The following PCDHA5 variants were observed in gnomAD, a reference collection of about 807,000 sequenced individuals.
PCDHA5 encodes the protein protocadherin alpha-5.
PCDHA5 carries 43 observed loss-of-function variants against 61.6 expected under a neutral mutation model. The observed-to-expected ratio is 0.70, with a 90% CI of 0.55 to 0.90. PCDHA5 has a LOEUF of 0.90. PCDHA5 is among the 40% of genes least tolerant of loss of function. The pLI is 0.00. For missense variants in PCDHA5, 1,298 were observed against 1,222.7 expected, an observed-to-expected ratio of 1.06 and a Z score of -0.92; for synonymous variants, 627 against 543.9, an observed-to-expected ratio of 1.15 and a Z score of -2.13.
chr5:140,852,764 A>T (rs1488234251), intron 1 of PCDHA5: 1 of 983,098 alleles, frequency 1.0e-6, no homozygotes, highest in Non-Finnish European at 1.2e-6. Flanking sequence ...CAGGTATCTG[A>T]TTATTTGATG....
At chr5:140,839,838 A>G (rs1257715116) in intron 1 of PCDHA5, among the ~76,000 whole-genome samples, 1 of 152,060 alleles carries the variant, frequency 6.6e-6, no homozygotes, top group Non-Finnish European at 1.5e-5. Flanking sequence ...TGATGAATCC[A>G]TGGAGAATTT....
intron 2 of PCDHA5, among the ~76,000 whole-genome samples, chr5:140,980,561 C>T (rs1430874214): frequency 6.6e-6 from 1 of 151,974 alleles, no homozygotes; most frequent in Admixed American, 6.6e-5. Context: ...ACCCGGGAGG[C>T]GGAAGTTGCA....
At chr5:140,962,406 T>C (rs1272839882) in intron 1 of PCDHA5, among the ~76,000 whole-genome samples, 1 of 152,218 alleles carries the variant, frequency 6.6e-6, no homozygotes, top group African/African-American at 2.4e-5. Context: ...GCCCCAAACC[T>C]GTCTCTCCCT....
At chr5:140,876,714 CCGCGAGAG>C in intron 1 of PCDHA5, 1 of 1,614,230 alleles carries the variant, frequency 6.2e-7, no homozygotes, top group East Asian at 2.2e-5. Context: ...GCGCCCTGGA[CCGCGAGAG>C]CGTGTCGGCC....
At position 140,928,737 on chromosome 5, in the gene PCDHA5, A is replaced by G. The variant is rs140056024; in HGVS notation, c.2353-50212A>G. On this transcript the variant is annotated intron_variant, in intron 1 of 3. Coordinates refer to ENST00000529859, the MANE Select transcript of PCDHA5 (RefSeq NM_018908.3). ...GTCTCTTTAGAATTTCAGCCAATAT[A>G]GGTGAGCTCCGTACTGCTCGCTTAG... is the stretch of plus-strand genomic sequence containing the variant. 5.6e-6 allele frequency: 9 copies of G among 1,614,000 alleles called. No homozygotes were observed. In the African/African-American group the frequency reaches 8.0e-5, roughly 14 times the overall value.
intron 1 of PCDHA5, among the ~76,000 whole-genome samples, chr5:140,971,541 G>A (rs544682624): frequency 6.6e-6 from 1 of 152,172 alleles, no homozygotes; most frequent in Non-Finnish European, 1.5e-5. Context: ...ATCATTGCCA[G>A]ATCAACCTGT....
chr5:140,976,897 T>C (rs2096736712), intron 1 of PCDHA5, among the ~76,000 whole-genome samples: 1 of 152,220 alleles, frequency 6.6e-6, no homozygotes, highest in Admixed American at 6.5e-5. Flanking sequence ...CATGCAACAG[T>C]ATGTAATAAA....
At chr5:140,835,792 C>T in intron 1 of PCDHA5, 6 of 1,613,122 alleles carry the variant, frequency 3.7e-6, no homozygotes, top group African/African-American at 1.3e-5. Context: ...AACAACCCGC[C>T]GGGCTGCCAC....
At chr5:140,955,124 CTG>C (rs1404094455) in intron 1 of PCDHA5, among the ~76,000 whole-genome samples, 1 of 152,016 alleles carries the variant, frequency 6.6e-6, no homozygotes. Context: ...TTCTGTTCCA[CTG>C]GTCTACACGT....
At chr5:140,873,590 A>C (rs1188968124) in intron 1 of PCDHA5, among the ~76,000 whole-genome samples, 2 of 152,202 alleles carry the variant, frequency 1.3e-5, no homozygotes, top group Non-Finnish European at 2.9e-5. Flanking sequence ...ATTAAGCTAA[A>C]CTTAGATGTT....
At chr5:140,883,384 CAG>C (rs1554177987) in intron 1 of PCDHA5, 2 of 1,614,072 alleles carry the variant, frequency 1.2e-6, no homozygotes, top group African/African-American at 2.7e-5. Context: ...TTGCCCTAAT[CAG>C]TGTGTCCGAT....
intron 1 of PCDHA5, chr5:140,835,304 T>C (rs2150233585): frequency 2.5e-6 from 4 of 1,612,734 alleles, no homozygotes; most frequent in Admixed American, 3.3e-5. Flanking sequence ...TGATAGGACA[T>C]ATGGATTTTG....
At chr5:140,824,255 G>A in intron 1 of PCDHA5, 128 bp downstream of exon 1, 2 of 1,376,076 alleles carry the variant, frequency 1.5e-6, no homozygotes, top group Non-Finnish European at 2.0e-6. Context: ...CACAATTATT[G>A]CACTAATTCA....
At chr5:140,927,475 C>A in intron 1 of PCDHA5, 1 of 1,614,110 alleles carries the variant, frequency 6.2e-7, no homozygotes, top group Non-Finnish European at 8.5e-7. Flanking sequence ...GGATCGCGAA[C>A]AGCGCGCCAC....
At chr5:140,850,722 A>T (rs2150495731) in intron 1 of PCDHA5, 1 of 1,597,444 alleles carries the variant, frequency 6.3e-7, no homozygotes, top group Non-Finnish European at 8.6e-7. Flanking sequence ...GGTGTGTTCT[A>T]GCGCGGTGGG....
intron 3 of PCDHA5, among the ~76,000 whole-genome samples, chr5:141,000,386 T>A (rs1394092081): frequency 5.6e-4 from 37 of 66,542 alleles, no homozygotes; most frequent in African/African-American, 2.4e-3. Flanking sequence ...TCTCTCTCTC[T>A]CTCTCTCTCT....
chr5:140,828,428 C>T (rs2150155297), intron 1 of PCDHA5: 2 of 1,614,252 alleles, frequency 1.2e-6, no homozygotes, highest in Admixed American at 1.7e-5. Context: ...CGTGGACAGG[C>T]CGCTGCAGGT....
chr5:140,927,734 G>A, intron 1 of PCDHA5: 1 of 1,614,196 alleles, frequency 6.2e-7, no homozygotes, highest in Non-Finnish European at 8.5e-7. Context: ...GCAGAGCTGC[G>A]ACACCGCTTT....
intron 1 of PCDHA5, among the ~76,000 whole-genome samples, chr5:140,952,680 G>A (rs1013469820): frequency 6.6e-6 from 1 of 152,128 alleles, no homozygotes; most frequent in Middle Eastern, 3.2e-3. Flanking sequence ...CACATTTTCA[G>A]GATCTTTATA....
Sources: gnomAD v4.1 joint callset for allele counts (sites outside exome capture counted in the v4.1 genomes callset) on GRCh38, gnomAD v4.1.1 for gene constraint, MANE v1.5 for transcripts, NCBI Gene and HGNC (gene_info 2026-07-23, HGNC 2026-07-21) for gene names.